Variants in ZFHX3 observed in about 807,000 individuals in gnomAD.
ZFHX3 encodes the protein zinc finger homeobox protein 3.
A neutral mutation model predicts 279.1 loss-of-function variants in ZFHX3; 42 were observed. The ratio of observed to expected loss-of-function variants is 0.15; its 90% CI spans 0.12 to 0.19. The LOEUF (loss-of-function observed/expected upper bound fraction) is 0.19. Ranked by LOEUF, ZFHX3 falls within the 10% of genes least tolerant of loss-of-function variation. The pLI, the probability that ZFHX3 is intolerant of heterozygous loss-of-function variation, is 1.00. For synonymous variants in ZFHX3, 2,293 were observed against 1,957.8 expected (o/e 1.17, Z -4.52); for missense variants, 4,981 against 4,754.0 (o/e 1.05, Z -1.40).
chr16:73,763,052 G>A (rs1158599009), intron 1 of ZFHX3, among the ~76,000 whole-genome samples: 2 of 152,020 alleles, frequency 1.3e-5, no homozygotes, highest in Non-Finnish European at 2.9e-5. Context: ...CTAATGTATT[G>A]TAATAAAATA....
intron 7 of ZFHX3, among the ~76,000 whole-genome samples, chr16:73,122,784 G>A (rs983223967): frequency 6.6e-5 from 10 of 152,128 alleles, no homozygotes; most frequent in Non-Finnish European, 1.2e-4. Context: ...CTTCTCCTTC[G>A]GCTTTCCGTG....
chr16:73,863,861 T>G (rs1806534851), intron 1 of ZFHX3, among the ~76,000 whole-genome samples: 1 of 152,214 alleles, frequency 6.6e-6, no homozygotes, highest in African/African-American at 2.4e-5. Context: ...ACAGTCATAA[T>G]TTTTTACTAG....
Position 73,195,718 on chromosome 16 carries a change from G to C in ZFHX3, c.-1103-51887C>G, listed in dbSNP as rs371660928. On this transcript the variant is annotated intron_variant, in intron 5 of 17. Coordinates refer to the ZFHX3 transcript ENST00000641206. Reference sequence around the variant, plus strand: ...AGGCGTGAGCCACCACGCCTGGCCTGTGTCTTTACTATTATATCCAATTTA... The same window carrying C: ...AGGCGTGAGCCACCACGCCTGGCCTCTGTCTTTACTATTATATCCAATTTA... Among the ~76,000 whole-genome samples, 10 of 152,162 alleles carry C rather than the reference G, an allele frequency of 6.6e-5. No homozygotes were observed. In the East Asian group the frequency reaches 1.2e-3, roughly 18 times the overall value.
intron 2 of ZFHX3, among the ~76,000 whole-genome samples, chr16:73,643,216 A>G (rs757940245): frequency 6.6e-6 from 1 of 152,238 alleles, no homozygotes; most frequent in Non-Finnish European, 1.5e-5. Context: ...TGAAGAAATC[A>G]TCAAGAGATT....
intron 1 of ZFHX3, among the ~76,000 whole-genome samples, chr16:73,033,550 A>G (rs1236335359): frequency 6.6e-6 from 1 of 151,816 alleles, no homozygotes; most frequent in Admixed American, 6.6e-5. Flanking sequence ...GGGGACTGGC[A>G]CTCCTTTTAA....
At chr16:73,831,004 C>T (rs1054259774) in intron 1 of ZFHX3, among the ~76,000 whole-genome samples, 2 of 152,288 alleles carry the variant, frequency 1.3e-5, no homozygotes, top group Admixed American at 6.5e-5. Context: ...CAAAGACTGA[C>T]ATTATCCTTA....
At chr16:73,595,053 G>T (rs1171263175) in intron 2 of ZFHX3, among the ~76,000 whole-genome samples, 1 of 152,142 alleles carries the variant, frequency 6.6e-6, no homozygotes, top group East Asian at 1.9e-4. Flanking sequence ...GAGGGGTTTT[G>T]TTATGGGGTT....
At chr16:72,956,462 C>T (rs1961254611) in intron 2 of ZFHX3, among the ~76,000 whole-genome samples, 4 of 152,330 alleles carry the variant, frequency 2.6e-5, no homozygotes, top group Admixed American at 2.6e-4. Context: ...TGAAACCCAT[C>T]TGTAGATTGT....
Position 73,769,575 on chromosome 16 carries a change from A to G in ZFHX3, c.-1607-89335T>C, listed in dbSNP as rs911826068. Reference sequence around the variant, plus strand: ...ATTAGGCAGTTATTTGGTTTTCTACAAATACAGAAAATCAATGACAATCCA... The same window carrying G: ...ATTAGGCAGTTATTTGGTTTTCTACGAATACAGAAAATCAATGACAATCCA... On this transcript the variant is annotated intron_variant, in intron 1 of 17. Transcript: ENST00000641206. 1.8e-4 allele frequency among the ~76,000 whole-genome samples: 28 copies of G among 152,224 alleles called. 1 individual carries two copies. The highest frequency in any genetic ancestry group is 5.5e-4 in the African/African-American group (23 of 41,466).
chr16:73,451,017 A>T (rs2018274009), intron 3 of ZFHX3, among the ~76,000 whole-genome samples: 1 of 152,218 alleles, frequency 6.6e-6, no homozygotes, highest in African/African-American at 2.4e-5. Context: ...TTTAATACAG[A>T]AGCAAGACAC....
chr16:72,827,403 A>G (rs1567535948), intron 5 of ZFHX3, among the ~76,000 whole-genome samples: 2 of 152,164 alleles, frequency 1.3e-5, no homozygotes, highest in Non-Finnish European at 2.9e-5. Context: ...TCTTCATCTC[A>G]TCTGAGGAAA....
chr16:72,786,653 G>A lies in ZFHX3; in HGVS notation c.*511C>T, dbSNP rs998310932. 10 of 151,050 alleles carry A rather than the reference G, an allele frequency of 6.6e-5. No individual in the cohort carries two copies. The highest frequency in any genetic ancestry group is 2.4e-4 in the African/African-American group (10 of 41,040). The allele number at this position is 151,050 out of a possible 1,614,324, so 9.4% of individuals were successfully genotyped here. A position where few individuals can be genotyped will look rare whatever the true frequency, so the allele number is the denominator to read the frequency against. ...ATGATTCTGAAAACAAAGTGTGAGC[G>A]ATTGACCTGAGAATAAAAAGACATT... On this transcript the variant is annotated 3_prime_UTR_variant, in exon 10 of 10. Coordinates refer to ENST00000268489, the MANE Select transcript of ZFHX3 (RefSeq NM_006885.4).
intron 1 of ZFHX3, among the ~76,000 whole-genome samples, chr16:73,853,639 A>G (rs1434287945): frequency 6.6e-6 from 1 of 152,212 alleles, no homozygotes; most frequent in Non-Finnish European, 1.5e-5. Flanking sequence ...AGGTACAATG[A>G]ACATAAAGAT....
At chr16:73,766,782 C>A (rs1225871195) in intron 1 of ZFHX3, among the ~76,000 whole-genome samples, 1 of 152,062 alleles carries the variant, frequency 6.6e-6, no homozygotes, top group East Asian at 1.9e-4. Flanking sequence ...TCACTGTGCC[C>A]AGGTTAGCTG....
At chr16:73,738,617 G>A (rs760991342) in intron 1 of ZFHX3, among the ~76,000 whole-genome samples, 4 of 152,212 alleles carry the variant, frequency 2.6e-5, no homozygotes, top group Admixed American at 6.5e-5. Context: ...ATTCTTTTAT[G>A]CTAGAGTTCC....
At chr16:73,354,140 A>G (rs1402158853) in intron 3 of ZFHX3, among the ~76,000 whole-genome samples, 1 of 152,200 alleles carries the variant, frequency 6.6e-6, no homozygotes, top group Non-Finnish European at 1.5e-5. Flanking sequence ...ACCCCAGATC[A>G]TCTGGCACGC....
chr16:73,480,068 A>C (rs2018837569), intron 2 of ZFHX3, among the ~76,000 whole-genome samples: 1 of 151,988 alleles, frequency 6.6e-6, no homozygotes, highest in Non-Finnish European at 1.5e-5. Context: ...TCATTCTCTC[A>C]ATCTCTTTCT....
At chr16:73,330,857 A>G (rs980495589) in intron 3 of ZFHX3, among the ~76,000 whole-genome samples, 1 of 152,186 alleles carries the variant, frequency 6.6e-6, no homozygotes, top group Non-Finnish European at 1.5e-5. Flanking sequence ...GAGTAACATC[A>G]ACCCTATACT....
At chr16:72,835,722 T>A (rs1027271569) in intron 4 of ZFHX3, among the ~76,000 whole-genome samples, 1 of 152,054 alleles carries the variant, frequency 6.6e-6, no homozygotes, top group Admixed American at 6.6e-5. Context: ...GACTCGGGGA[T>A]GTGCCTCGCT....
Sources: allele counts gnomAD v4.1 joint callset (sites outside exome capture counted in the v4.1 genomes callset), GRCh38; gene constraint gnomAD v4.1.1; transcripts MANE v1.5; gene names NCBI Gene and HGNC (gene_info 2026-07-23, HGNC 2026-07-21).